CTNND2: variants seen among roughly 807,000 people sequenced by gnomAD.
CTNND2 encodes the protein catenin delta-2.
In CTNND2, 22 loss-of-function variants were observed where a neutral mutation model predicts 144.4. That is an observed-to-expected ratio of 0.15 (90% confidence interval 0.11 to 0.22). CTNND2 has a LOEUF of 0.22. CTNND2 is among the 10% of genes least tolerant of loss of function. CTNND2 has a pLI of 1.00. For synonymous variants in CTNND2, 751 were observed against 695.6 expected, an observed-to-expected ratio of 1.08 and a Z score of -1.25; for missense variants, 1,353 against 1,618.8, an observed-to-expected ratio of 0.84 and a Z score of 2.82.
intron 2 of CTNND2, among the ~76,000 whole-genome samples, chr5:11,670,170 T>C (rs1382278146): frequency 6.6e-6 from 1 of 152,144 alleles, no homozygotes; most frequent in Non-Finnish European, 1.5e-5. Flanking sequence ...TTACTTCCAA[T>C]TATGTGTCAA....
intron 2 of CTNND2, among the ~76,000 whole-genome samples, chr5:11,565,540 G>C (rs1463756462): frequency 6.6e-6 from 1 of 152,128 alleles, no homozygotes; most frequent in East Asian, 1.9e-4. Flanking sequence ...ATATATTGTA[G>C]ATTGAAGAAA....
At chr5:11,227,863 T>A (rs1285437236) in intron 10 of CTNND2, among the ~76,000 whole-genome samples, 1 of 152,168 alleles carries the variant, frequency 6.6e-6, no homozygotes, top group Non-Finnish European at 1.5e-5. Flanking sequence ...ATATGAGCTG[T>A]CTTCCATGAG....
intron 12 of CTNND2, among the ~76,000 whole-genome samples, chr5:11,121,234 G>A (rs1389598392): frequency 1.3e-5 from 2 of 152,100 alleles, no homozygotes; most frequent in East Asian, 1.9e-4. Context: ...AACCTTCCGC[G>A]ATGCTCACTA....
intron 3 of CTNND2, among the ~76,000 whole-genome samples, chr5:11,442,538 A>T (rs1373972488): frequency 6.6e-6 from 1 of 152,090 alleles, no homozygotes. Context: ...GTTTGAAGCA[A>T]CTTTTTCTTT....
chr5:11,837,376 A>C (rs1294396962), intron 1 of CTNND2, among the ~76,000 whole-genome samples: 2 of 152,232 alleles, frequency 1.3e-5, no homozygotes, highest in Non-Finnish European at 2.9e-5. Context: ...TGTTTGAAAA[A>C]TAAATGTGAT....
chr5:11,637,335 C>T (rs556597321), intron 2 of CTNND2, among the ~76,000 whole-genome samples: 1 of 152,168 alleles, frequency 6.6e-6, no homozygotes, highest in East Asian at 1.9e-4. Flanking sequence ...CTAAGAGCTC[C>T]CTTTAAAAAA....
intron 2 of CTNND2, among the ~76,000 whole-genome samples, chr5:11,688,242 C>G (rs1303285794): frequency 1.3e-5 from 2 of 152,138 alleles, no homozygotes; most frequent in Non-Finnish European, 2.9e-5. Flanking sequence ...CAGAGGACAT[C>G]TGAAACCTCT....
chr5:11,544,353 T>C (rs1358373840), intron 3 of CTNND2, among the ~76,000 whole-genome samples: 1 of 152,132 alleles, frequency 6.6e-6, no homozygotes, highest in Non-Finnish European at 1.5e-5. Flanking sequence ...GATACACTGC[T>C]GATAGGATTA....
chr5:11,788,379 A>T (rs1433919835), intron 1 of CTNND2, among the ~76,000 whole-genome samples: 1 of 152,164 alleles, frequency 6.6e-6, no homozygotes, highest in Non-Finnish European at 1.5e-5. Context: ...TCATAACTTT[A>T]TCTCACATTT....
chr5:11,031,905 G>C (rs1158699253), intron 16 of CTNND2, among the ~76,000 whole-genome samples: 1 of 152,210 alleles, frequency 6.6e-6, no homozygotes, highest in Non-Finnish European at 1.5e-5. Flanking sequence ...AGGCTGCACT[G>C]TTGTCCTTCC....
chr5:11,457,338 A>C (rs1050914507), intron 3 of CTNND2, among the ~76,000 whole-genome samples: 6 of 152,074 alleles, frequency 3.9e-5, no homozygotes, highest in Non-Finnish European at 5.9e-5. Context: ...AGGTAATCTC[A>C]AAACTTGGAA....
chr5:11,749,023 T>C (rs1561760011), intron 1 of CTNND2, among the ~76,000 whole-genome samples: 1 of 152,002 alleles, frequency 6.6e-6, no homozygotes, highest in Non-Finnish European at 1.5e-5. Flanking sequence ...AGCAGCCCTA[T>C]GGAGAAAGAG....
At chr5:11,165,981 C>T (rs984844859) in intron 11 of CTNND2, among the ~76,000 whole-genome samples, 1 of 152,116 alleles carries the variant, frequency 6.6e-6, no homozygotes, top group African/African-American at 2.4e-5. Context: ...TTACGACAGC[C>T]CACTGGCTTG....
rs10462679 is a variant in CTNND2, at chr5:11,815,137, G to A, written c.38-82865C>T. 0.014 allele frequency among the ~76,000 whole-genome samples: 2,179 copies of A among 152,004 alleles called. 127 individuals are homozygous for A. In the East Asian group the frequency reaches 0.19, roughly 13 times the overall value. On this transcript the variant is annotated intron_variant, in intron 1 of 21. Transcript: ENST00000304623. ...TAAGAGACAACAGATATCACTAAGA[G>A]GTAATATATAGGCAGATATAGAAAT... is the stretch of plus-strand genomic sequence containing the variant.
At chr5:11,085,208 G>A (rs1750003326) in intron 15 of CTNND2, among the ~76,000 whole-genome samples, 1 of 152,242 alleles carries the variant, frequency 6.6e-6, no homozygotes, top group Admixed American at 6.5e-5. Context: ...GACCAAAAAT[G>A]TGGATGATAT....
chr5:11,155,182 CAT>C (rs756118657), intron 12 of CTNND2, among the ~76,000 whole-genome samples: 9 of 152,178 alleles, frequency 5.9e-5, no homozygotes, highest in African/African-American at 9.7e-5. Context: ...TCCCTCAACA[CAT>C]GTTTTTGGTT....
At chr5:11,899,894 C>A (rs1370108920) in intron 1 of CTNND2, among the ~76,000 whole-genome samples, 1 of 152,092 alleles carries the variant, frequency 6.6e-6, no homozygotes, top group Non-Finnish European at 1.5e-5. Context: ...ATCTCTGTAC[C>A]CACCAGAAGC....
chr5:11,851,065 C>G (rs1794987224), intron 1 of CTNND2, among the ~76,000 whole-genome samples: 1 of 152,138 alleles, frequency 6.6e-6, no homozygotes, highest in Non-Finnish European at 1.5e-5. Context: ...GAATTCTCCT[C>G]AAGACTACAA....
intron 2 of CTNND2, among the ~76,000 whole-genome samples, chr5:11,581,458 T>A (rs1778425668): frequency 6.6e-6 from 1 of 152,236 alleles, no homozygotes; most frequent in South Asian, 2.1e-4. Context: ...AGGTTGATAG[T>A]GATCCATTAA....
Sources: allele counts gnomAD v4.1 joint callset (sites outside exome capture counted in the v4.1 genomes callset), GRCh38; gene constraint gnomAD v4.1.1; transcripts MANE v1.5; gene names NCBI Gene and HGNC (gene_info 2026-07-23, HGNC 2026-07-21).